Variants in CSMD2 observed in about 807,000 individuals in gnomAD.
The protein encoded by CSMD2 is CUB and Sushi multiple domains 2.
In CSMD2, 130 loss-of-function variants were observed where a neutral mutation model predicts 398.5. The observed-to-expected ratio is 0.33, with a 90% CI of 0.28 to 0.38. CSMD2 has a LOEUF of 0.38. Ranked by LOEUF, CSMD2 falls within the 10% of genes least tolerant of loss-of-function variation. The pLI, the probability that CSMD2 is intolerant of heterozygous loss-of-function variation, is 1.00. For missense variants in CSMD2, 3,829 were observed against 4,764.9 expected, an observed-to-expected ratio of 0.80 and a Z score of 5.78; for synonymous variants, 1,828 against 1,908.5, an observed-to-expected ratio of 0.96 and a Z score of 1.10.
chr1:33,920,828 G>A (rs1317221035), intron 4 of CSMD2, among the ~76,000 whole-genome samples: 3 of 152,196 alleles, frequency 2.0e-5, no homozygotes, highest in Non-Finnish European at 2.9e-5. Flanking sequence ...TCCAGTGAGA[G>A]GTGATGGTGG....
intron 18 of CSMD2, 62 bp downstream of exon 18, chr1:33,724,454 C>T (rs1646459892): frequency 1.9e-6 from 3 of 1,579,018 alleles, no homozygotes; most frequent in East Asian, 2.2e-5. Context: ...CTTTTGAGCA[C>T]CTGTGTTTCT....
At chr1:34,087,197 CATG>C (rs1657979304) in intron 2 of CSMD2, among the ~76,000 whole-genome samples, 2 of 151,990 alleles carry the variant, frequency 1.3e-5, no homozygotes, top group Admixed American at 1.3e-4. Flanking sequence ...CCACACCATA[CATG>C]ATATTCCATG....
chr1:33,548,584 A>G (rs946092869), intron 56 of CSMD2, among the ~76,000 whole-genome samples: 3 of 152,242 alleles, frequency 2.0e-5, no homozygotes, highest in African/African-American at 7.2e-5. Context: ...TGTATTTCAT[A>G]GGACTGGCAG....
intron 9 of CSMD2, among the ~76,000 whole-genome samples, chr1:33,813,357 T>G (rs1657070751): frequency 1.3e-5 from 2 of 152,160 alleles, no homozygotes; most frequent in African/African-American, 2.4e-5. Context: ...AGGGGTTCTG[T>G]GGACAGACAG....
rs1054751227 is a variant in CSMD2 at position 33,804,891 on chromosome 1, C to T, written c.1446+5852G>A. ...GTTGCATTGTATGTTCCCTGGGTCT[C>T]CTCCCGCCTGGATCAGGATAGGGTT... On this transcript the variant is annotated intron_variant, in intron 10 of 70. Transcript: ENST00000373381. The T allele has an allele frequency of 8.4e-6, 6 of 717,260 alleles. 1 individual carries two copies. Among genetic ancestry groups the T allele is most frequent in the South Asian group, 3.0e-5 (2 of 67,598 alleles). 44.4% of individuals were successfully genotyped at this position (717,260 alleles called of 1,614,324 possible).
chr1:33,756,785 G>A (rs1339576804), intron 13 of CSMD2, among the ~76,000 whole-genome samples: 1 of 152,192 alleles, frequency 6.6e-6, no homozygotes, highest in Non-Finnish European at 1.5e-5. Context: ...AATACCATTT[G>A]ACCCAGCCAT....
At chr1:33,618,052 G>A (rs1018708605) in intron 37 of CSMD2, among the ~76,000 whole-genome samples, 2 of 117,532 alleles carry the variant, frequency 1.7e-5, no homozygotes. Flanking sequence ...GGAAAAGAAG[G>A]TCAAGAAGGA....
chr1:33,524,796 T>C, intron 66 of CSMD2, 86 bp downstream of exon 66: 1 of 1,354,484 alleles, frequency 7.4e-7, no homozygotes, highest in Non-Finnish European at 1.0e-6. Context: ...TGCATGACAG[T>C]ATGATGCAAT....
Position 34,093,046 on chromosome 1 carries a change from C to G in CSMD2, c.188-3853G>C, listed in dbSNP as rs796265577. ...GAAGAGAGCAGTGGTTCTCCCAGTA[C>G]GCAGCTGGAGATCTGAGAACTGGCA... On this transcript the variant is annotated intron_variant, in intron 1 of 70. Coordinates refer to ENST00000373381, the MANE Select transcript of CSMD2 (RefSeq NM_001281956.2). 6.1e-4 allele frequency among the ~76,000 whole-genome samples: 93 copies of G among 152,152 alleles called. 2 individuals carry two copies. Among genetic ancestry groups the G allele is most frequent in the Admixed American group, 1.0e-3 (16 of 15,274 alleles).
intron 10 of CSMD2, among the ~76,000 whole-genome samples, chr1:33,802,663 T>G (rs1425567933): frequency 6.6e-6 from 1 of 152,130 alleles, no homozygotes; most frequent in Non-Finnish European, 1.5e-5. Flanking sequence ...AGGGGACACA[T>G]GTCCCTCTTA....
chr1:33,540,448 CAGCCACAA>C (rs978640031), intron 60 of CSMD2, 69 bp downstream of exon 60: 8 of 1,516,588 alleles, frequency 5.3e-6, no homozygotes, highest in Non-Finnish European at 7.2e-6. Context: ...CTGGGCCTTC[CAGCCACAA>C]AGCTCCGAGG....
At chr1:33,689,600 A>T (rs1273599074) in intron 25 of CSMD2, among the ~76,000 whole-genome samples, 3 of 152,132 alleles carry the variant, frequency 2.0e-5, no homozygotes, top group Non-Finnish European at 4.4e-5. Flanking sequence ...TCCATTCATC[A>T]GTTTATTGTA....
intron 48 of CSMD2, 97 bp from the exon 49 acceptor site, chr1:33,577,581 C>T (rs932671385): frequency 9.1e-7 from 1 of 1,100,334 alleles, no homozygotes; most frequent in Admixed American, 2.7e-5. Flanking sequence ...CCCCCCATCC[C>T]CTTGTCTTTG....
At chr1:33,592,746 G>A (rs1386253242) in intron 44 of CSMD2, among the ~76,000 whole-genome samples, 3 of 152,040 alleles carry the variant, frequency 2.0e-5, no homozygotes, top group African/African-American at 4.8e-5. Context: ...TCAGGATATC[G>A]AGACCATCCT....
At chr1:33,594,627 T>G (rs994984631) in intron 44 of CSMD2, among the ~76,000 whole-genome samples, 1 of 152,240 alleles carries the variant, frequency 6.6e-6, no homozygotes, top group Admixed American at 6.5e-5. Flanking sequence ...TCTTGGCTCT[T>G]TGTCCACTGG....
At position 33,557,809 on chromosome 1, in the gene CSMD2, A is replaced by C. The variant is rs1161083790; in HGVS notation, c.8668T>G (p.Phe2890Val). The C allele has an allele frequency of 6.5e-7, 1 of 1,535,962 alleles. No individual in the cohort carries two copies. The highest frequency in any genetic ancestry group is 8.7e-7 in the Non-Finnish European group (1 of 1,146,908). Residue 2890 changes from phenylalanine (F) to valine (V), a missense_variant, in exon 55 of 71, where the codon TTC (phenylalanine) becomes GTC (valine). Coordinates refer to ENST00000373381, the MANE Select transcript of CSMD2 (RefSeq NM_001281956.2). ...AGCACTGGGGTGCCCAGGAGGTAGA[A>C]GCCGTGGTTGCACCGGTAAGACACA... Reference protein sequence around the residue: ...TTVSYRCNHGFYLLGTPVLSC... With the variant: ...TTVSYRCNHGVYLLGTPVLSC...
rs768197189 is a variant in CSMD2, at chr1:33,602,409, G to A, written c.6670C>T (p.Leu2224=). Residue 2224 remains leucine (L), a synonymous_variant, in exon 43 of 71, where the codon CTG becomes TTG. Transcript: ENST00000373381. ...IGHGVRLNLS[L]LQTEPSGDFI... is the part of the protein sequence containing the mutation. The stretch of plus-strand genomic sequence containing the variant: ...TCTCCAGAGGGCTCTGTCTGCAGCA[G>A]GCTGAGGTTGAGGCGGACGCCATGG... 7.7e-5 allele frequency: 125 copies of A among 1,613,872 alleles called. No individual in the cohort carries two copies. The highest frequency in any genetic ancestry group is 9.9e-5 in the Non-Finnish European group (117 of 1,179,986).
chr1:33,812,341 C>A (rs1182491416), intron 9 of CSMD2, among the ~76,000 whole-genome samples: 1 of 152,196 alleles, frequency 6.6e-6, no homozygotes, highest in African/African-American at 2.4e-5. Context: ...TAGCTCATCA[C>A]CTCCTGGGAG....
chr1:34,092,520 C>G (rs112555835), intron 1 of CSMD2, among the ~76,000 whole-genome samples: 40 of 152,266 alleles, frequency 2.6e-4, no homozygotes, highest in African/African-American at 9.1e-4. Context: ...CTAGGGAGAG[C>G]CAGACAGTGG....
Sources: allele counts gnomAD v4.1 joint callset (sites outside exome capture counted in the v4.1 genomes callset), GRCh38; gene constraint gnomAD v4.1.1; transcripts MANE v1.5; gene names NCBI Gene and HGNC (gene_info 2026-07-23, HGNC 2026-07-21).